GNG12: variants seen among roughly 807,000 people sequenced by gnomAD.
GNG12 encodes guanine nucleotide-binding protein G(I)/G(S)/G(O) subunit gamma-12.
For missense variants in GNG12, 69 were observed against 83.8 expected, an observed-to-expected ratio of 0.82 and a Z score of 0.69; for synonymous variants, 28 against 29.7, an observed-to-expected ratio of 0.94 and a Z score of 0.19.
intron 1 of GNG12, among the ~76,000 whole-genome samples, chr1:67,828,528 G>A (rs1014083578): frequency 6.6e-6 from 1 of 152,182 alleles, no homozygotes; most frequent in Non-Finnish European, 1.5e-5. Flanking sequence ...AACTGAGCAA[G>A]ACTGTATACG....
intron 1 of GNG12, among the ~76,000 whole-genome samples, chr1:67,818,400 G>A (rs2100818132): frequency 6.8e-6 from 1 of 147,154 alleles, no homozygotes; most frequent in Middle Eastern, 3.6e-3. Context: ...TTATTCATGG[G>A]GAAAGACCAG....
At position 67,756,206 on chromosome 1, in the gene GNG12, G is replaced by A. The variant is rs192556771; in HGVS notation, c.-27+21252C>T. ...TCCAAGGCCAGACCTGGTGCATTGA[G>A]AAGGTTTCTCAGAAGAGTATCTGAA... On this transcript the variant is annotated intron_variant, in intron 2 of 3. Transcript: ENST00000370982. 3.0e-3 allele frequency among the ~76,000 whole-genome samples: 458 copies of A among 152,310 alleles called. 3 individuals are homozygous for A. The highest frequency in any genetic ancestry group is 4.5e-3 in the Non-Finnish European group (303 of 68,034).
intron 1 of GNG12, among the ~76,000 whole-genome samples, chr1:67,779,351 T>C (rs762619327): frequency 6.6e-6 from 1 of 152,168 alleles, no homozygotes; most frequent in Non-Finnish European, 1.5e-5. Flanking sequence ...CCACTCAAAG[T>C]GCTGCCACCC....
chr1:67,780,328 G>C (rs1192814211), intron 1 of GNG12, among the ~76,000 whole-genome samples: 1 of 152,150 alleles, frequency 6.6e-6, no homozygotes, highest in African/African-American at 2.4e-5. Context: ...AGACAATTTG[G>C]TTCTAGACTT....
Position 67,823,160 on chromosome 1 carries a change from ATAC to A in GNG12, c.-77+10181_-77+10183del, listed in dbSNP as rs574052580. Among the ~76,000 whole-genome samples the A allele has an allele frequency of 5.3e-5, 8 of 152,352 alleles. No individual in the cohort carries two copies. In the South Asian group the frequency reaches 1.7e-3, roughly 32 times the overall value. The stretch of plus-strand genomic sequence containing the variant: ...GGCATGTATAACCTTCCTTCAGGAG[ATAC>A]AGTGCAAGTGGAAAATTCTAGGCTT... On this transcript the variant is annotated intron_variant, in intron 1 of 3. Transcript: ENST00000370982.
At chr1:67,764,397 C>T (rs941267852) in intron 2 of GNG12, among the ~76,000 whole-genome samples, 2 of 152,190 alleles carry the variant, frequency 1.3e-5, no homozygotes, top group African/African-American at 4.8e-5. Flanking sequence ...TTATTCTGAC[C>T]TATCCCAAGT....
At chr1:67,756,835 G>A (rs1327200844) in intron 2 of GNG12, among the ~76,000 whole-genome samples, 1 of 152,172 alleles carries the variant, frequency 6.6e-6, no homozygotes, top group Non-Finnish European at 1.5e-5. Context: ...GTCTGCCCGG[G>A]TCATCTGCAC....
chr1:67,777,544 C>T, intron 1 of GNG12, 37 bp from the exon 2 acceptor site: 1 of 475,508 alleles, frequency 2.1e-6, no homozygotes, highest in Non-Finnish European at 2.7e-6. Context: ...ATAAGTAAAT[C>T]ACATTTGGAA....
At chr1:67,711,439 A>C (rs1292419768) in intron 2 of GNG12, among the ~76,000 whole-genome samples, 1 of 151,798 alleles carries the variant, frequency 6.6e-6, no homozygotes, top group Middle Eastern at 3.4e-3. Flanking sequence ...ATGGGAGTTC[A>C]GGGTTTCTCG....
intron 2 of GNG12, among the ~76,000 whole-genome samples, chr1:67,742,753 G>C (rs1013084771): frequency 6.6e-6 from 1 of 152,020 alleles, no homozygotes; most frequent in Admixed American, 6.6e-5. Flanking sequence ...ATCAAATAAT[G>C]CAATTTTCCA....
intron 1 of GNG12, among the ~76,000 whole-genome samples, chr1:67,815,743 A>G (rs1276356794): frequency 6.6e-6 from 1 of 152,166 alleles, no homozygotes; most frequent in African/African-American, 2.4e-5. Flanking sequence ...GAGGGCCGGC[A>G]TGAGGGAGGA....
chr1:67,730,394 G>A (rs1451219626), intron 2 of GNG12, among the ~76,000 whole-genome samples: 2 of 152,098 alleles, frequency 1.3e-5, no homozygotes, highest in South Asian at 2.1e-4. Flanking sequence ...CCAGCTACTC[G>A]GGAGGCTGAG....
chr1:67,773,844 A>G (rs1312894221), intron 2 of GNG12, among the ~76,000 whole-genome samples: 2 of 152,202 alleles, frequency 1.3e-5, no homozygotes, highest in Non-Finnish European at 2.9e-5. Flanking sequence ...GACAATCTGA[A>G]GTCCATTACA....
At chr1:67,791,485 C>T (rs145635287) in intron 1 of GNG12, among the ~76,000 whole-genome samples, 1 of 152,236 alleles carries the variant, frequency 6.6e-6, no homozygotes, top group East Asian at 1.9e-4. Flanking sequence ...CAATCATCTC[C>T]CACACTGCTC....
At chr1:67,708,804 C>A (rs774920395) in intron 2 of GNG12, among the ~76,000 whole-genome samples, 3 of 152,162 alleles carry the variant, frequency 2.0e-5, no homozygotes, top group Non-Finnish European at 1.5e-5. Context: ...GCCTCCCCGG[C>A]GCTATGTGAG....
intron 1 of GNG12, among the ~76,000 whole-genome samples, chr1:67,826,343 G>T (rs1389030989): frequency 6.6e-6 from 1 of 152,214 alleles, no homozygotes; most frequent in Non-Finnish European, 1.5e-5. Flanking sequence ...GATGCATGTG[G>T]TTTTGTTTGT....
intron 2 of GNG12, among the ~76,000 whole-genome samples, chr1:67,753,246 T>C (rs1304516117): frequency 6.6e-6 from 1 of 152,104 alleles, no homozygotes; most frequent in African/African-American, 2.4e-5. Flanking sequence ...CTCCAAAATC[T>C]GAAACTTTTT....
At chr1:67,811,854 T>C (rs943107023) in intron 1 of GNG12, among the ~76,000 whole-genome samples, 2 of 151,848 alleles carry the variant, frequency 1.3e-5, no homozygotes, top group Admixed American at 6.5e-5. Flanking sequence ...TTGAAAACTA[T>C]TGATGTAGAG....
At position 67,760,475 on chromosome 1, in the gene GNG12, C is replaced by T. The variant is rs541803502; in HGVS notation, c.-27+16983G>A. ...CAGTGGAGCACAAACATGGGTTGCC[C>T]GAAAAGGCTGATGGACGGGTGATGT... is the stretch of plus-strand genomic sequence containing the variant. On this transcript the variant is annotated intron_variant, in intron 2 of 3. Coordinates refer to ENST00000370982, the MANE Select transcript of GNG12 (RefSeq NM_018841.6). Among the ~76,000 whole-genome samples the T allele has an allele frequency of 7.8e-4, 118 of 152,234 alleles. 1 individual carries two copies. In the Middle Eastern group the frequency reaches 0.01, roughly 13 times the overall value.
Sources: gnomAD v4.1 joint callset for allele counts (sites outside exome capture counted in the v4.1 genomes callset) on GRCh38, gnomAD v4.1.1 for gene constraint, MANE v1.5 for transcripts, NCBI Gene and HGNC (gene_info 2026-07-23, HGNC 2026-07-21) for gene names.